TRIQK: variants seen among roughly 807,000 people sequenced by gnomAD.
The protein encoded by TRIQK is triple QxxK/R motif containing, also known as triple QxxK/R motif-containing protein.
In TRIQK, 10 loss-of-function variants were observed where a neutral mutation model predicts 10.8. The observed-to-expected ratio is 0.92, with a 90% CI of 0.57 to 1.57. The LOEUF (loss-of-function observed/expected upper bound fraction) is 1.57. Among genes scored for constraint, TRIQK ranks in the 40% most tolerant of loss-of-function variants. The pLI is 0.00. For missense variants in TRIQK, 107 were observed against 97.7 expected, an observed-to-expected ratio of 1.09 and a Z score of -0.40; for synonymous variants, 33 against 33.7, an observed-to-expected ratio of 0.98 and a Z score of 0.07.
chr8:92,940,584 G>A (rs540502526), intron 2 of TRIQK, among the ~76,000 whole-genome samples: 1 of 152,150 alleles, frequency 6.6e-6, no homozygotes, highest in South Asian at 2.1e-4. Context: ...TTTAATGTTT[G>A]TAAATATATA....
chr8:92,993,439 T>G (rs1442810132), intron 1 of TRIQK, among the ~76,000 whole-genome samples: 2 of 152,170 alleles, frequency 1.3e-5, no homozygotes, highest in East Asian at 3.9e-4. Context: ...AGCCTCCTTC[T>G]AGGTATTCAG....
At chr8:92,966,227 C>T (rs570366325), upstream of TRIQK, 41 of 152,424 alleles carry the variant, frequency 2.7e-4, no homozygotes, top group African/African-American at 8.4e-4. Context: ...TACGCCGGTC[C>T]AGGACGCAAA....
At chr8:92,941,484 T>A (rs1811270566) in intron 2 of TRIQK, among the ~76,000 whole-genome samples, 1 of 151,540 alleles carries the variant, frequency 6.6e-6, no homozygotes, top group Admixed American at 6.6e-5. Flanking sequence ...AATGCCAGCA[T>A]CAAAAAAGAA....
chr8:92,975,688 T>G (rs1812923136), intron 1 of TRIQK, among the ~76,000 whole-genome samples: 1 of 152,050 alleles, frequency 6.6e-6, no homozygotes, highest in African/African-American at 2.4e-5. Context: ...CATTTTTATC[T>G]TTATTTCATT....
At chr8:92,916,779 A>T in intron 3 of TRIQK, 150 bp downstream of exon 3, 1 of 435,268 alleles carries the variant, frequency 2.3e-6, no homozygotes, top group Non-Finnish European at 3.8e-6. Context: ...GACTGCATTT[A>T]ATTTTGCTTC....
intron 2 of TRIQK, among the ~76,000 whole-genome samples, chr8:92,950,933 A>G (rs182360147): frequency 5.3e-4 from 80 of 152,218 alleles, no homozygotes; most frequent in Middle Eastern, 3.4e-3. Context: ...ACTCCTGTGG[A>G]AACCAAAATC....
In TRIQK at chr8:92,905,092, A is replaced by G. The variant is rs1217585061; in HGVS notation, c.61+11837T>C. Among the ~76,000 whole-genome samples the G allele has an allele frequency of 2.0e-5, 3 of 152,216 alleles. No individual in the cohort carries two copies. The East Asian group carries it at 5.8e-4, about 29-fold the overall frequency. ...ATGTTGCAGGGAAACTTGTACATGT[A>G]AATCGATGAACAGACACGTCTAAAA... On this transcript the variant is annotated intron_variant, in intron 3 of 4. Transcript: ENST00000521988.
intron 1 of TRIQK, among the ~76,000 whole-genome samples, chr8:92,957,164 A>G (rs1159588353): frequency 6.6e-6 from 1 of 151,840 alleles, no homozygotes; most frequent in Non-Finnish European, 1.5e-5. Flanking sequence ...CAGACCACTC[A>G]CCAGAACTAC....
chr8:92,884,650 C>T lies in TRIQK; in HGVS notation c.*1972G>A, dbSNP rs995834653. 8 of 327,106 alleles carry T rather than the reference C, an allele frequency of 2.4e-5. No individual in the cohort carries two copies. Among genetic ancestry groups the T allele is most frequent in the African/African-American group, 1.1e-4 (5 of 45,998 alleles). 20.3% of individuals were successfully genotyped at this position (327,106 alleles called of 1,614,324 possible). Reference sequence around the variant, plus strand: ...ATGAATTTTCAAACATTTCCAAGACCATAACCAGCCATTTTAAGTACTGTA... The same window carrying T: ...ATGAATTTTCAAACATTTCCAAGACTATAACCAGCCATTTTAAGTACTGTA... On this transcript the variant is annotated 3_prime_UTR_variant, in exon 5 of 5. Transcript: ENST00000521988.
upstream of TRIQK, among the ~76,000 whole-genome samples, chr8:92,970,035 T>A (rs987335254): frequency 1.3e-5 from 2 of 152,120 alleles, no homozygotes; most frequent in Admixed American, 1.3e-4. Flanking sequence ...TAAGTGAGAA[T>A]ATTCAGTGTT....
intron 2 of TRIQK, among the ~76,000 whole-genome samples, chr8:92,949,554 A>AAG (rs1463599697): frequency 7.1e-6 from 1 of 140,920 alleles, no homozygotes; most frequent in Non-Finnish European, 1.6e-5. Context: ...GAAGGAAGGA[A>AAG]GGAAGGAAAG....
chr8:93,017,132 AGAG>A (rs1813391974), intron 1 of TRIQK, among the ~76,000 whole-genome samples: 1 of 77,276 alleles, frequency 1.3e-5, no homozygotes, highest in South Asian at 4.1e-4. Flanking sequence ...AGAGAGAGAG[AGAG>A]AGAGAGAGAG....
chr8:92,950,783 G>A (rs771858961), intron 2 of TRIQK, among the ~76,000 whole-genome samples: 1 of 152,070 alleles, frequency 6.6e-6, no homozygotes, highest in South Asian at 2.1e-4. Flanking sequence ...AGCCCTTATA[G>A]TACATTCCAA....
chr8:92,896,654 T>C (rs1808614663), intron 3 of TRIQK, among the ~76,000 whole-genome samples: 1 of 152,116 alleles, frequency 6.6e-6, no homozygotes, highest in African/African-American at 2.4e-5. Flanking sequence ...ATGTGGGACA[T>C]GGAGTCAAAG....
intron 1 of TRIQK, among the ~76,000 whole-genome samples, chr8:93,012,464 A>G (rs959013793): frequency 2.6e-5 from 4 of 152,152 alleles, no homozygotes; most frequent in African/African-American, 4.8e-5. Flanking sequence ...CCAACTCTTC[A>G]TTGTGGTTAT....
intron 1 of TRIQK, among the ~76,000 whole-genome samples, chr8:93,009,429 G>A (rs2130762197): frequency 6.6e-6 from 1 of 152,174 alleles, no homozygotes; most frequent in Non-Finnish European, 1.5e-5. Context: ...GGCCAACATG[G>A]TGAAACCCCA....
intron 1 of TRIQK, among the ~76,000 whole-genome samples, chr8:92,985,561 G>A (rs927433282): frequency 3.3e-5 from 5 of 152,152 alleles, no homozygotes; most frequent in African/African-American, 1.2e-4. Flanking sequence ...GTTGCCATCT[G>A]CTATTGGAAG....
At chr8:92,889,434 A>G (rs1405658173) in intron 4 of TRIQK, among the ~76,000 whole-genome samples, 2 of 151,652 alleles carry the variant, frequency 1.3e-5, no homozygotes, top group African/African-American at 2.4e-5. Flanking sequence ...TAAAATTTAT[A>G]TAATCGTTAT....
At chr8:92,889,920 T>G (rs1193597609) in intron 4 of TRIQK, among the ~76,000 whole-genome samples, 1 of 151,642 alleles carries the variant, frequency 6.6e-6, no homozygotes, top group Non-Finnish European at 1.5e-5. Context: ...TCTATAGATA[T>G]GAATTAAATG....
Sources: gnomAD v4.1 joint callset for allele counts (sites outside exome capture counted in the v4.1 genomes callset) on GRCh38, gnomAD v4.1.1 for gene constraint, MANE v1.5 for transcripts, NCBI Gene and HGNC (gene_info 2026-07-23, HGNC 2026-07-21) for gene names.